TMEM156: variants seen among roughly 807,000 people sequenced by gnomAD.
TMEM156 encodes the protein transmembrane protein 156.
TMEM156 carries 28 observed loss-of-function variants against 30.5 expected under a neutral mutation model. That is an observed-to-expected ratio of 0.92 (90% confidence interval 0.68 to 1.26). TMEM156 has a LOEUF of 1.26. Among genes scored for constraint, TMEM156 ranks in the 50% most tolerant of loss-of-function variants. The pLI is 0.00. For missense variants in TMEM156, 351 were observed against 340.6 expected (o/e 1.03, Z -0.24); for synonymous variants, 137 against 119.9 (o/e 1.14, Z -0.93).
chr4:39,015,109 A>C (rs796613807), intron 1 of TMEM156, among the ~76,000 whole-genome samples: 29 of 152,308 alleles, frequency 1.9e-4, no homozygotes, highest in African/African-American at 7.0e-4. Flanking sequence ...TCCTCTTATT[A>C]CATCTTTAAT....
chr4:39,006,991 C>T (rs1446928636), intron 1 of TMEM156, among the ~76,000 whole-genome samples: 1 of 151,936 alleles, frequency 6.6e-6, no homozygotes, highest in South Asian at 2.1e-4. Flanking sequence ...GTATACAGTA[C>T]GATGTGTGGA....
intron 1 of TMEM156, among the ~76,000 whole-genome samples, chr4:39,018,130 G>C (rs1053582845): frequency 4.0e-5 from 6 of 151,074 alleles, no homozygotes; most frequent in Admixed American, 6.6e-5. Flanking sequence ...TTTCCCTTTA[G>C]TTATGTGAGG....
intron 1 of TMEM156, among the ~76,000 whole-genome samples, chr4:39,017,364 A>G (rs946978807): frequency 2.6e-5 from 4 of 151,326 alleles, no homozygotes; most frequent in African/African-American, 9.7e-5. Flanking sequence ...TTTTTTTAGT[A>G]GAGACGGGGT....
At chr4:39,031,751 G>C (rs756816702) in intron 1 of TMEM156, among the ~76,000 whole-genome samples, 4 of 151,806 alleles carry the variant, frequency 2.6e-5, no homozygotes. Context: ...AGGCATGGTG[G>C]TGGGCGCCTG....
chr4:38,974,401 T>C (rs1722751585), intron 5 of TMEM156, among the ~76,000 whole-genome samples: 1 of 151,948 alleles, frequency 6.6e-6, no homozygotes, highest in African/African-American at 2.4e-5. Flanking sequence ...CTTTCTTGGA[T>C]TTGAATATTA....
Position 38,998,834 on chromosome 4 carries a change from A to G in TMEM156, c.164T>C (p.Phe55Ser). Residue 55 changes from phenylalanine (F) to serine (S), a missense_variant, in exon 2 of 7, where the codon TTT (phenylalanine) becomes TCT (serine). By Grantham distance (155) the Phe-to-Ser change is radical. Transcript: ENST00000381938. ...TGGTTGCAGAAAAGTCACAAAAGAA[A>G]AATTTAAGGAGGAGAGTGAATAGGT... ...NFTYSLSSLN[F>S]SFVTFLQPVR... 1 of 1,613,958 alleles carries G rather than the reference A, an allele frequency of 6.2e-7. No homozygotes were observed. The highest frequency in any genetic ancestry group is 8.5e-7 in the Non-Finnish European group (1 of 1,179,944).
At chr4:39,004,249 G>A (rs765141127) in intron 1 of TMEM156, among the ~76,000 whole-genome samples, 2 of 152,126 alleles carry the variant, frequency 1.3e-5, no homozygotes, top group Non-Finnish European at 2.9e-5. Flanking sequence ...CTCAGAGGAA[G>A]TACATAGAAT....
rs1218481748 is a variant in TMEM156 at position 39,031,885 on chromosome 4, AAAAAAT to A, written c.88+335_88+340del. ...GCGACAGAGACTCCATCTCAAAAAA[AAAAAAT>A]AAAAAATAAAAAAATAAAAAAAAAC... On this transcript the variant is annotated intron_variant, in intron 1 of 6. Transcript: ENST00000381938. 7.9e-5 allele frequency among the ~76,000 whole-genome samples: 8 copies of A among 101,878 alleles called. 1 individual carries two copies. The highest frequency in any genetic ancestry group is 2.5e-4 in the African/African-American group (7 of 28,504). 66.8% of individuals were successfully genotyped at this position (101,878 alleles called of 152,430 possible).
At chr4:39,001,451 A>C (rs188995320) in intron 1 of TMEM156, among the ~76,000 whole-genome samples, 93 of 151,576 alleles carry the variant, frequency 6.1e-4, no homozygotes, top group African/African-American at 2.2e-3. Flanking sequence ...TTTATGTAGC[A>C]TCTTCACCAT....
At chr4:38,970,146 TTGTGTGTGTG>T (rs71641397) in intron 6 of TMEM156, among the ~76,000 whole-genome samples, 1 of 149,088 alleles carries the variant, frequency 6.7e-6, no homozygotes, top group Non-Finnish European at 1.5e-5. Flanking sequence ...GTGTGTGTGT[TTGTGTGTGTG>T]TGTGTGTGTG....
At chr4:38,997,808 T>C (rs762195722) in intron 2 of TMEM156, among the ~76,000 whole-genome samples, 1 of 152,230 alleles carries the variant, frequency 6.6e-6, no homozygotes, top group Non-Finnish European at 1.5e-5. Flanking sequence ...TTACTGAGTG[T>C]CTACTAGGTA....
At chr4:39,002,306 G>C (rs1229683963) in intron 1 of TMEM156, among the ~76,000 whole-genome samples, 2 of 152,176 alleles carry the variant, frequency 1.3e-5, no homozygotes, top group African/African-American at 4.8e-5. Context: ...ATGGCCATCA[G>C]AGAAATGCAA....
chr4:38,974,853 A>G (rs1185911876), intron 5 of TMEM156, among the ~76,000 whole-genome samples: 1 of 151,896 alleles, frequency 6.6e-6, no homozygotes, highest in African/African-American at 2.4e-5. Context: ...TTGTATTTTT[A>G]GTAAAGACAG....
rs184748462 is a variant in TMEM156 at position 38,972,540 on chromosome 4, C to A, written c.824-1403G>T. ...TGCTGGGATTACAGGCATGAGCCACCATTCCCTGCCTCTTTCTTTCTTTTT... is the reference window on the plus strand; with the variant it reads ...TGCTGGGATTACAGGCATGAGCCACAATTCCCTGCCTCTTTCTTTCTTTTT... On this transcript the variant is annotated intron_variant, in intron 5 of 6. Coordinates refer to ENST00000381938, the MANE Select transcript of TMEM156 (RefSeq NM_024943.3). Among the ~76,000 whole-genome samples the A allele has an allele frequency of 4.0e-5, 6 of 151,686 alleles. 1 individual carries two copies. Among genetic ancestry groups the A allele is most frequent in the African/African-American group, 1.4e-4 (6 of 41,422 alleles).
intron 1 of TMEM156, among the ~76,000 whole-genome samples, chr4:39,011,618 A>G (rs1157785938): frequency 2.0e-5 from 3 of 152,098 alleles, no homozygotes; most frequent in Non-Finnish European, 4.4e-5. Context: ...TACTAAAAAT[A>G]CAAAAATTAG....
intron 5 of TMEM156, among the ~76,000 whole-genome samples, chr4:38,982,307 C>T (rs759926539): frequency 2.0e-5 from 3 of 152,160 alleles, no homozygotes; most frequent in Admixed American, 6.5e-5. Context: ...CTTGTGATTA[C>T]GTGAGTCAAT....
chr4:38,973,352 A>G (rs1030214335), intron 5 of TMEM156, among the ~76,000 whole-genome samples: 1 of 152,012 alleles, frequency 6.6e-6, no homozygotes, highest in African/African-American at 2.4e-5. Context: ...AACATGATAC[A>G]TTTTTCCTTT....
chr4:39,011,219 C>T (rs1714093929), intron 1 of TMEM156, among the ~76,000 whole-genome samples: 1 of 152,204 alleles, frequency 6.6e-6, no homozygotes, highest in East Asian at 1.9e-4. Context: ...CCATTTCACA[C>T]TAGTCAGAAT....
rs115218004 is a variant in TMEM156 at position 39,026,012 on chromosome 4, C to T, written c.88+6214G>A. On this transcript the variant is annotated intron_variant, in intron 1 of 6. Coordinates refer to ENST00000381938, the MANE Select transcript of TMEM156 (RefSeq NM_024943.3). ...CCTCAACAGATATTCATTGAGTGCC[C>T]TTAATATGACAGACACTCTCTTAAT... Among the ~76,000 whole-genome samples the T allele has an allele frequency of 4.9e-3, 751 of 152,208 alleles. 3 individuals are homozygous for T. Among genetic ancestry groups the T allele is most frequent in the Non-Finnish European group, 8.2e-3 (561 of 68,010 alleles).
Sources: allele counts gnomAD v4.1 joint callset (sites outside exome capture counted in the v4.1 genomes callset), GRCh38; gene constraint gnomAD v4.1.1; transcripts MANE v1.5; gene names NCBI Gene and HGNC (gene_info 2026-07-23, HGNC 2026-07-21).